LRRC59: variants seen among roughly 807,000 people sequenced by gnomAD.
The protein encoded by LRRC59 is leucine-rich repeat-containing protein 59.
LRRC59 carries 18 observed loss-of-function variants against 33.5 expected under a neutral mutation model. The observed-to-expected ratio is 0.54, with a 90% CI of 0.37 to 0.80. The LOEUF is 0.80. LRRC59 is among the 30% of genes least tolerant of loss of function. LRRC59 has a pLI of 0.00. For missense variants in LRRC59, 330 were observed against 391.9 expected (o/e 0.84, Z 1.33); for synonymous variants, 138 against 160.0 (o/e 0.86, Z 1.04).
intron 6 of LRRC59, among the ~76,000 whole-genome samples, chr17:50,384,487 C>A (rs56010232): frequency 2.0e-5 from 3 of 152,036 alleles, no homozygotes; most frequent in Admixed American, 2.0e-4. Context: ...GTAAACTTGC[C>A]GGGCACAGTG....
In LRRC59 at chr17:50,385,202, G is replaced by T; in HGVS notation, c.592C>A (p.Arg198Ser). 1 of 1,614,118 alleles carries T rather than the reference G, an allele frequency of 6.2e-7. No individual in the cohort carries two copies. Among genetic ancestry groups the T allele is most frequent in the Non-Finnish European group, 8.5e-7 (1 of 1,180,024 alleles). ...RKREKAEEKERRRKEYDALKA... is the reference protein window; with the variant it reads ...RKREKAEEKESRRKEYDALKA... ...AGGGCATCATACTCCTTTCTCCGGCGCTCCTTCTCTTCCGCCTTCTCCCGC... is the reference window on the plus strand; with the variant it reads ...AGGGCATCATACTCCTTTCTCCGGCTCTCCTTCTCTTCCGCCTTCTCCCGC... Residue 198 changes from arginine (R) to serine (S), a missense_variant, in exon 6 of 7, where the codon CGC becomes AGC. Transcript: ENST00000225972.
intron 6 of LRRC59, among the ~76,000 whole-genome samples, chr17:50,384,765 CAAAA>C (rs5820811): frequency 7.6e-6 from 1 of 132,150 alleles, no homozygotes; most frequent in Non-Finnish European, 1.6e-5. Flanking sequence ...AACTCTGTCT[CAAAA>C]AAAAAAAAAA....
intron 3 of LRRC59, 54 bp from the exon 4 acceptor site, chr17:50,392,556 T>C: frequency 6.6e-7 from 1 of 1,509,636 alleles, no homozygotes; most frequent in Non-Finnish European, 9.2e-7. Flanking sequence ...TTCACATACA[T>C]AGTCCCTCAG....
At position 50,392,510 on chromosome 17, in the gene LRRC59, G is replaced by A; in HGVS notation, c.325-8C>T. Reference sequence around the variant, plus strand: ...GTCCAACCACTTCAGGTTCTAAAGAGATGGGCGATGGGCAAAGAGGCTCAT... The same window carrying A: ...GTCCAACCACTTCAGGTTCTAAAGAAATGGGCGATGGGCAAAGAGGCTCAT... On this transcript the variant is annotated splice_polypyrimidine_tract_variant and splice_region_variant and intron_variant, in intron 3 of 6. Transcript: ENST00000225972. 6.2e-7 allele frequency: 1 copy of A among 1,603,396 alleles called. No homozygotes were observed. Among genetic ancestry groups the A allele is most frequent in the South Asian group, 1.1e-5 (1 of 90,856 alleles).
rs2143371207 is a variant in LRRC59 at position 50,392,736 on chromosome 17, T to C, written c.324+3A>G. On this transcript the variant is annotated splice_donor_region_variant and intron_variant, in intron 3 of 6. Coordinates refer to ENST00000225972, the MANE Select transcript of LRRC59 (RefSeq NM_018509.4). Reference sequence around the variant, plus strand: ...CATGAAACACTGGTTCATGAATTGTTACCTTGAGCTGAGCAAAGCTGACAG... The same window carrying C: ...CATGAAACACTGGTTCATGAATTGTCACCTTGAGCTGAGCAAAGCTGACAG... 1 of 1,613,502 alleles carries C rather than the reference T, an allele frequency of 6.2e-7. No homozygotes were observed. Among genetic ancestry groups the C allele is most frequent in the Non-Finnish European group, 8.5e-7 (1 of 1,179,456 alleles).
chr17:50,392,353 C>T, intron 4 of LRRC59, 45 bp downstream of exon 4: 1 of 1,510,020 alleles, frequency 6.6e-7, no homozygotes, highest in Non-Finnish European at 9.2e-7. Context: ...AGGAGAAATC[C>T]CAGGGAGTGT....
rs1420854531 is a variant in LRRC59, at chr17:50,382,675, G to A, written c.*313C>T. On this transcript the variant is annotated 3_prime_UTR_variant, in exon 7 of 7. Coordinates refer to ENST00000225972, the MANE Select transcript of LRRC59 (RefSeq NM_018509.4). ...TGACCATTTAGTAGAAACGAGCCTT[G>A]CCTTTACACAGCTTTATATAACAAC... 2.8e-6 allele frequency: 1 copy of A among 351,292 alleles called. No individual in the cohort carries two copies. The highest frequency in any genetic ancestry group is 5.3e-6 in the Non-Finnish European group (1 of 190,388). The allele number at this position is 351,292 out of a possible 1,614,324, so 21.8% of individuals were successfully genotyped here.
chr17:50,392,536 T>G lies in LRRC59; in HGVS notation c.325-34A>C, dbSNP rs749921640. On this transcript the variant is annotated intron_variant, in intron 3 of 6. Coordinates refer to ENST00000225972, the MANE Select transcript of LRRC59 (RefSeq NM_018509.4). ...ATGGGCGATGGGCAAAGAGGCTCATTAAGCCCGAGTTCACATACATAGTCC... is the reference window on the plus strand; with the variant it reads ...ATGGGCGATGGGCAAAGAGGCTCATGAAGCCCGAGTTCACATACATAGTCC... 22 of 1,563,380 alleles carry G rather than the reference T, an allele frequency of 1.4e-5. No individual in the cohort carries two copies. The Admixed American group carries it at 3.7e-4, about 26-fold the overall frequency.
chr17:50,392,967 C>A, intron 2 of LRRC59, 70 bp from the exon 3 acceptor site: 1 of 1,431,076 alleles, frequency 7.0e-7, no homozygotes, highest in Non-Finnish European at 9.7e-7. Flanking sequence ...TAAATGTGGC[C>A]CAATACAAAT....
chr17:50,384,122 G>A (rs1375080029), intron 6 of LRRC59, among the ~76,000 whole-genome samples: 1 of 151,680 alleles, frequency 6.6e-6, no homozygotes, highest in African/African-American at 2.4e-5. Context: ...GTGGAGCCAC[G>A]TCACTAACGA....
chr17:50,393,431 G>A (rs559281069), intron 2 of LRRC59, among the ~76,000 whole-genome samples: 7 of 152,172 alleles, frequency 4.6e-5, no homozygotes, highest in African/African-American at 9.6e-5. Flanking sequence ...TCAAAACAGC[G>A]TGCTCGTTCA....
At chr17:50,393,169 A>T (rs1418255756) in intron 2 of LRRC59, among the ~76,000 whole-genome samples, 1 of 152,160 alleles carries the variant, frequency 6.6e-6, no homozygotes, top group Non-Finnish European at 1.5e-5. Context: ...AGTCAGAGGT[A>T]CCCCATGTAA....
intron 2 of LRRC59, among the ~76,000 whole-genome samples, chr17:50,394,016 A>G (rs1396523443): frequency 1.3e-5 from 2 of 152,190 alleles, no homozygotes; most frequent in Non-Finnish European, 2.9e-5. Flanking sequence ...AACACAAAAT[A>G]CTTTCTGGAA....
intron 6 of LRRC59, among the ~76,000 whole-genome samples, chr17:50,384,018 C>T (rs1271656620): frequency 6.6e-6 from 1 of 150,462 alleles, no homozygotes; most frequent in Non-Finnish European, 1.5e-5. Context: ...GGCAGGGCCA[C>T]AGGCCTCCAC....
At position 50,394,992 on chromosome 17, in the gene LRRC59, G is replaced by A; in HGVS notation, c.106-4C>T. 1 of 1,604,972 alleles carries A rather than the reference G, an allele frequency of 6.2e-7. No homozygotes were observed. The highest frequency in any genetic ancestry group is 8.5e-7 in the Non-Finnish European group (1 of 1,173,090). ...TGGTGGCCTTTGGAAGGGCAGCCTA[G>A]GTAAAAGAGGATGAGAAAAACATGT... On this transcript the variant is annotated splice_polypyrimidine_tract_variant and splice_region_variant and intron_variant, in intron 1 of 6. Coordinates refer to ENST00000225972, the MANE Select transcript of LRRC59 (RefSeq NM_018509.4).
intron 4 of LRRC59, 43 bp downstream of exon 4, chr17:50,392,355 A>G (rs1691647188): frequency 6.6e-7 from 1 of 1,511,790 alleles, no homozygotes; most frequent in Non-Finnish European, 9.2e-7. Context: ...GAGAAATCCC[A>G]GGGAGTGTAT....
In LRRC59 at chr17:50,382,840, C is replaced by T; in HGVS notation, c.*148G>A. On this transcript the variant is annotated 3_prime_UTR_variant, in exon 7 of 7. Coordinates refer to ENST00000225972, the MANE Select transcript of LRRC59 (RefSeq NM_018509.4). ...ACCCTGACTAAGGAATGAAGAAGTC[C>T]TACAAAGAGGAGGTCTCATGTACCA... The T allele has an allele frequency of 9.8e-7, 1 of 1,022,394 alleles. No homozygotes were observed. The highest frequency in any genetic ancestry group is 3.0e-5 in the Admixed American group (1 of 33,624). 63.3% of individuals were successfully genotyped at this position (1,022,394 alleles called of 1,614,324 possible).
In LRRC59 at chr17:50,392,911, A is replaced by AG. The variant is rs772375357; in HGVS notation, c.166-15dup. 3 of 1,610,196 alleles carry AG rather than the reference A, an allele frequency of 1.9e-6. No homozygotes were observed. The highest frequency in any genetic ancestry group is 2.5e-6 in the Non-Finnish European group (3 of 1,176,674). On this transcript the variant is annotated splice_polypyrimidine_tract_variant and intron_variant, in intron 2 of 6. Transcript: ENST00000225972. ...ACAGAAATCCGACTAGGATCCAAAG[A>AG]GAGAACCTAAGCTAGGCTTGTCCAA...
intron 6 of LRRC59, among the ~76,000 whole-genome samples, chr17:50,384,158 CAA>C (rs766234829): frequency 6.6e-6 from 1 of 151,782 alleles, no homozygotes; most frequent in Non-Finnish European, 1.5e-5. Flanking sequence ...AGGTAAAACA[CAA>C]AAATGTGTTT....
Sources: gnomAD v4.1 joint callset for allele counts (sites outside exome capture counted in the v4.1 genomes callset) on GRCh38, gnomAD v4.1.1 for gene constraint, MANE v1.5 for transcripts, NCBI Gene and HGNC (gene_info 2026-07-23, HGNC 2026-07-21) for gene names.